Variants in CATSPER1 observed in about 807,000 individuals in gnomAD.
The protein encoded by CATSPER1 is cation channel sperm associated 1, also known as cation channel sperm-associated protein 1.
A neutral mutation model predicts 72.7 loss-of-function variants in CATSPER1; 57 were observed. That is an observed-to-expected ratio of 0.78 (90% confidence interval 0.63 to 0.98). The LOEUF (loss-of-function observed/expected upper bound fraction) is 0.98. Among genes scored for constraint, CATSPER1 ranks in the 50% least tolerant of loss-of-function variants. The probability of loss-of-function intolerance (pLI) is 0.00; values close to 1 mark genes in which losing one functional copy is unlikely to be tolerated. For missense variants in CATSPER1, 910 were observed against 1,033.9 expected, an observed-to-expected ratio of 0.88 and a Z score of 1.64; for synonymous variants, 363 against 403.0, an observed-to-expected ratio of 0.90 and a Z score of 1.19.
intron 9 of CATSPER1, 70 bp from the exon 10 acceptor site, chr11:66,018,972 C>G (rs931132822): frequency 2.8e-5 from 37 of 1,339,160 alleles, no homozygotes; most frequent in Non-Finnish European, 3.5e-5. Flanking sequence ...CCCCATGTGT[C>G]AGGAAGATAA....
At position 66,020,821 on chromosome 11, in the gene CATSPER1, G is replaced by A. The variant is rs748194399; in HGVS notation, c.1917C>T (p.Ser639=). 8 of 1,613,822 alleles carry A rather than the reference G, an allele frequency of 5.0e-6. No individual in the cohort carries two copies. Among genetic ancestry groups the A allele is most frequent in the African/African-American group, 2.7e-5 (2 of 75,038 alleles). ...LDDWSLIYMD[S]RAQGAWYIIP... Reference sequence around the variant, plus strand: ...TGGGGCCTGCCCTACCCTGGGCACGGCTGTCCATGTAGATGAGGGACCAGT... The same window carrying A: ...TGGGGCCTGCCCTACCCTGGGCACGACTGTCCATGTAGATGAGGGACCAGT... The change falls in exon 6 of 12, where the codon AGC becomes AGT. Residue 639 remains serine (S), a synonymous_variant. Transcript: ENST00000312106. This position sits in a 1 kb window ranked among gnomAD's most constrained non-coding sequence, Gnocchi z 4.5.
chr11:66,021,439 T>G (rs533069171), intron 4 of CATSPER1, 57 bp downstream of exon 4: 2 of 1,594,788 alleles, frequency 1.3e-6, no homozygotes, highest in Admixed American at 3.4e-5. Context: ...GGGGCCCTGG[T>G]CTGTGTCCCC....
At position 66,020,579 on chromosome 11, in the gene CATSPER1, T is replaced by C; in HGVS notation, c.1976A>G (p.Tyr659Cys). The C allele has an allele frequency of 2.5e-6, 4 of 1,612,094 alleles. No individual in the cohort carries two copies. The highest frequency in any genetic ancestry group is 2.7e-5 in the African/African-American group (2 of 74,984). The change falls in exon 7 of 12, where the codon TAC (tyrosine) becomes TGC (cysteine). Residue 659 changes from tyrosine (Y) to cysteine (C), a missense_variant. By Grantham distance (194) the Tyr-to-Cys change is radical. Coordinates refer to ENST00000312106, the MANE Select transcript of CATSPER1 (RefSeq NM_053054.4). The surrounding 1 kb of genome is among the most constrained non-coding windows in gnomAD (Gnocchi z 4.5). ...GAGTCCTCACTTGAGGAAGATGAAG[T>C]ACTGGATGATGATGTAAATTACGAG... is the stretch of plus-strand genomic sequence containing the variant. The part of the protein sequence containing the change: ...PILVIYIIIQ[Y>C]FIFLNLVITV...
chr11:66,017,517 C>T lies in CATSPER1; in HGVS notation c.2202-343G>A, dbSNP rs144403894. Among the ~76,000 whole-genome samples the T allele has an allele frequency of 7.3e-3, 1,103 of 151,766 alleles. 15 individuals carry two copies. Among genetic ancestry groups the T allele is most frequent in the African/African-American group, 0.026 (1,061 of 41,322 alleles). On this transcript the variant is annotated intron_variant, in intron 10 of 11. Transcript: ENST00000312106. ...TCACTCACCCATCTGGCCCTCCAGC[C>T]ACTCACAACTCACCTCCCCCTCCAC...
intron 1 of CATSPER1, 23 bp from the exon 2 acceptor site, chr11:66,023,084 G>A: frequency 6.2e-7 from 1 of 1,607,582 alleles, no homozygotes; most frequent in Non-Finnish European, 8.5e-7. Context: ...GGGCCAGAAA[G>A]TCAAGTGTGT....
chr11:66,023,238 T>C (rs1180713024), intron 1 of CATSPER1, among the ~76,000 whole-genome samples, 177 bp from the exon 2 acceptor site: 1 of 152,196 alleles, frequency 6.6e-6, no homozygotes, highest in East Asian at 1.9e-4. Flanking sequence ...TGCAGGTGCC[T>C]GCCACCACGC....
chr11:66,023,616 A>G (rs1462743849), intron 1 of CATSPER1, among the ~76,000 whole-genome samples: 3 of 150,462 alleles, frequency 2.0e-5, no homozygotes, highest in Non-Finnish European at 3.0e-5. Context: ...AGGTTGAGGC[A>G]GGCGGATCAC....
rs148686517 is a variant in CATSPER1 at position 66,025,433 on chromosome 11, C to T, written c.947G>A (p.Gly316Asp). The T allele has an allele frequency of 1.3e-3, 2,065 of 1,612,344 alleles. 42 individuals carry two copies. In the East Asian group the frequency reaches 0.036, roughly 28 times the overall value. ...HGAYHSSYLHGDYVQSTSQLS... is the reference protein window; with the variant it reads ...HGAYHSSYLHDDYVQSTSQLS... ...TTGGGAAGTGCTCTGGACGTAGTCG[C>T]CATGGAGGTAACTGGAATGATACGC... The change falls in exon 1 of 12, where the codon GGC becomes GAC. Residue 316 changes from glycine (G) to aspartate (D), a missense_variant. By Grantham distance (94) the Gly-to-Asp change is moderately conservative. Transcript: ENST00000312106.
At chr11:66,024,024 C>T (rs1477302496) in intron 1 of CATSPER1, among the ~76,000 whole-genome samples, 4 of 151,648 alleles carry the variant, frequency 2.6e-5, no homozygotes, top group Admixed American at 6.6e-5. Flanking sequence ...AGTGCAGTAT[C>T]GTGATCTCGG....
In CATSPER1 at chr11:66,026,070, C is replaced by T. The variant is rs552868982; in HGVS notation, c.310G>A (p.Ala104Thr). The part of the protein sequence containing the change: ...TGFGLAPSQG[A>T]VPSHRSYGED... ...CCGTAGGAACGGTGGGAGGGGACGG[C>T]GCCTTGAGAGGGAGCCAGACCAAAG... The change falls in exon 1 of 12, where the codon GCC becomes ACC. Residue 104 changes from alanine to threonine, a missense_variant. By Grantham distance (58) the Ala-to-Thr change is moderately conservative. Coordinates refer to ENST00000312106, the MANE Select transcript of CATSPER1 (RefSeq NM_053054.4). 1.8e-5 allele frequency: 29 copies of T among 1,613,670 alleles called. No individual in the cohort carries two copies. The East Asian group carries it at 2.2e-4, about 12-fold the overall frequency.
At position 66,025,371 on chromosome 11, in the gene CATSPER1, C is replaced by G; in HGVS notation, c.1009G>C (p.Asp337His). 2 of 1,614,028 alleles carry G rather than the reference C, an allele frequency of 1.2e-6. No homozygotes were observed. The highest frequency in any genetic ancestry group is 1.7e-6 in the Non-Finnish European group (2 of 1,180,006). ...IPHTSRSLIH[D>H]APGPAASRTG... Reference sequence around the variant, plus strand: ...CGAGAAGCAGCAGGGCCGGGGGCATCGTGAATCAGGCTCCGGGATGTGTGT... The same window carrying G: ...CGAGAAGCAGCAGGGCCGGGGGCATGGTGAATCAGGCTCCGGGATGTGTGT... Residue 337 changes from aspartate to histidine, a missense_variant, in exon 1 of 12, where the codon GAT becomes CAT. By Grantham distance (81) the Asp-to-His change is moderately conservative (BLOSUM62 -1). Transcript: ENST00000312106.
rs531856996 is a variant in CATSPER1, at chr11:66,020,605, G to A, written c.1950C>T (p.Ile650=). The change falls in exon 7 of 12, where the codon ATC becomes ATT. Residue 650 remains isoleucine, a synonymous_variant. Coordinates refer to ENST00000312106, the MANE Select transcript of CATSPER1 (RefSeq NM_053054.4). This position sits in a 1 kb window ranked among gnomAD's most constrained non-coding sequence, Gnocchi z 4.5. The part of the protein sequence containing the change: ...RAQGAWYIIP[I]LVIYIIIQYF... ...ACTGGATGATGATGTAAATTACGAG[G>A]ATGGGAATGATGTACCAGGCGCCTA... 8.5e-4 allele frequency: 1,375 copies of A among 1,612,388 alleles called. 16 individuals are homozygous for A. In the South Asian group the frequency reaches 0.015, roughly 17 times the overall value.
Position 66,023,059 on chromosome 11 carries a change from C to A in CATSPER1, c.1219G>T (p.Gly407Cys), listed in dbSNP as rs1856410687. The A allele has an allele frequency of 6.2e-7, 1 of 1,613,710 alleles. No homozygotes were observed. The highest frequency in any genetic ancestry group is 8.5e-7 in the Non-Finnish European group (1 of 1,179,824). ...EEGQFQKRKTGRLQRTRKKGH... is the reference protein window; with the variant it reads ...EEGQFQKRKTCRLQRTRKKGH... ...TTCTTGCGGGTCCGCTGGAGCCGGC[C>A]GGCTGAAAGGAACAGGGCCAGAAAG... The change falls in exon 2 of 12, where the codon GGC (glycine) becomes TGC (cysteine). Residue 407 changes from glycine (G) to cysteine (C), a missense_variant and splice_region_variant. Physicochemically the swap from Gly to Cys is radical, Grantham distance 159 (BLOSUM62 -3). Coordinates refer to ENST00000312106, the MANE Select transcript of CATSPER1 (RefSeq NM_053054.4).
chr11:66,025,140 A>G (rs1856468279), intron 1 of CATSPER1, 24 bp downstream of exon 1: 2 of 1,614,008 alleles, frequency 1.2e-6, no homozygotes, highest in Non-Finnish European at 1.7e-6. Context: ...AGGAGTTGGC[A>G]TGGGGGGCCC....
At position 66,025,773 on chromosome 11, in the gene CATSPER1, G is replaced by A. The variant is rs1361565994; in HGVS notation, c.607C>T (p.Gln203Ter). The A allele has an allele frequency of 6.2e-7, 1 of 1,613,816 alleles. No homozygotes were observed. The change falls in exon 1 of 12, where the codon CAA becomes TAA. Residue 203 changes from glutamine (Q) to a stop codon, truncating the protein, a stop_gained. Coordinates refer to ENST00000312106, the MANE Select transcript of CATSPER1 (RefSeq NM_053054.4). LOFTEE classifies it high-confidence loss of function. ...HSEASHLSGL[Q>*]HDESQHHQVP... ...TGGTGATGCTGGGACTCATCGTGTT[G>A]GAGCCCGCTAAGGTGGGAAGCCTCG...
intron 2 of CATSPER1, among the ~76,000 whole-genome samples, chr11:66,022,279 G>A (rs1409213293): frequency 6.6e-6 from 1 of 152,340 alleles, no homozygotes; most frequent in African/African-American, 2.4e-5. Context: ...GGCGGAGGTT[G>A]CAGTGAGATC....
chr11:66,023,980 C>T (rs1194417613), intron 1 of CATSPER1, among the ~76,000 whole-genome samples: 3 of 151,248 alleles, frequency 2.0e-5, no homozygotes, highest in Admixed American at 6.6e-5. Context: ...TTGTTGTTTT[C>T]TGAGATGGAG....
At chr11:66,018,174 C>T (rs1195905415) in intron 10 of CATSPER1, among the ~76,000 whole-genome samples, 2 of 149,392 alleles carry the variant, frequency 1.3e-5, no homozygotes, top group Admixed American at 6.7e-5. Flanking sequence ...TGCCACTGCA[C>T]TCCAGCCTGG....
chr11:66,020,057 A>G lies in CATSPER1; in HGVS notation c.2125+83T>C. ...CTAAAACTGAGTCTGGAATTCTGTG[A>G]CTGTGGAAGGAGGTTAGGGGGATGG... is the stretch of plus-strand genomic sequence containing the variant. On this transcript the variant is annotated intron_variant, in intron 9 of 11. Coordinates refer to ENST00000312106, the MANE Select transcript of CATSPER1 (RefSeq NM_053054.4). This position sits in a 1 kb window ranked among gnomAD's most constrained non-coding sequence, Gnocchi z 4.5. 1.4e-6 allele frequency: 2 copies of G among 1,419,888 alleles called. No homozygotes were observed. Among genetic ancestry groups the G allele is most frequent in the Non-Finnish European group, 2.0e-6 (2 of 1,010,082 alleles). The allele number at this position is 1,419,888 out of a possible 1,614,324, so 88.0% of individuals were successfully genotyped here.
Sources: allele counts gnomAD v4.1 joint callset (sites outside exome capture counted in the v4.1 genomes callset), GRCh38; gene constraint gnomAD v4.1.1; non-coding constraint Gnocchi (gnomAD v3.1); transcripts MANE v1.5; gene names NCBI Gene and HGNC (gene_info 2026-07-23, HGNC 2026-07-21).